Variants in CAAP1 observed in about 807,000 individuals in gnomAD.
CAAP1 encodes the protein caspase activity and apoptosis inhibitor 1, also known as conserved anti-apoptotic protein.
Under a neutral mutation model 34.0 loss-of-function variants are expected in CAAP1, and 20 were observed. The ratio of observed to expected loss-of-function variants is 0.59; its 90% CI spans 0.41 to 0.86. The LOEUF (loss-of-function observed/expected upper bound fraction) is 0.86. CAAP1 is among the 40% of genes least tolerant of loss of function. CAAP1 has a pLI of 0.00. For synonymous variants in CAAP1, 213 were observed against 166.7 expected, an observed-to-expected ratio of 1.28 and a Z score of -2.14; for missense variants, 538 against 450.5, an observed-to-expected ratio of 1.19 and a Z score of -1.76.
intron 4 of CAAP1, among the ~76,000 whole-genome samples, chr9:26,864,854 T>G (rs1355503213): frequency 6.6e-6 from 1 of 152,250 alleles, no homozygotes; most frequent in East Asian, 1.9e-4. Flanking sequence ...GTCACAATAT[T>G]GCCAGTGATT....
chr9:26,865,454 G>A (rs528375260), intron 4 of CAAP1, among the ~76,000 whole-genome samples: 32 of 151,756 alleles, frequency 2.1e-4, no homozygotes, highest in African/African-American at 5.6e-4. Context: ...AACCCGGGAG[G>A]TGGAGGTTGT....
intron 4 of CAAP1, among the ~76,000 whole-genome samples, chr9:26,873,910 A>T (rs1338827344): frequency 6.6e-6 from 1 of 152,126 alleles, no homozygotes; most frequent in Non-Finnish European, 1.5e-5. Context: ...TCTTTAAAAA[A>T]TTTTACAGAT....
At chr9:26,863,794 A>G (rs1823060925) in intron 4 of CAAP1, among the ~76,000 whole-genome samples, 1 of 131,564 alleles carries the variant, frequency 7.6e-6, no homozygotes, top group Non-Finnish European at 1.7e-5. Context: ...AAAAAAAAAA[A>G]GCCTGTTTTT....
chr9:26,882,984 A>G lies in CAAP1; in HGVS notation c.665+1826T>C, dbSNP rs1053664820. ...CATTTGGAAGGGGTGTATTTATCCA[A>G]TGCCTGTATCCCCATTATATCTAGG... On this transcript the variant is annotated intron_variant, in intron 4 of 5. Coordinates refer to ENST00000333916, the MANE Select transcript of CAAP1 (RefSeq NM_024828.4). Among the ~76,000 whole-genome samples, 27 of 152,250 alleles carry G rather than the reference A, an allele frequency of 1.8e-4. 1 individual carries two copies. The highest frequency in any genetic ancestry group is 1.6e-3 in the Admixed American group (25 of 15,298).
intron 4 of CAAP1, among the ~76,000 whole-genome samples, chr9:26,862,638 T>C (rs551706469): frequency 1.3e-5 from 2 of 152,282 alleles, no homozygotes; most frequent in African/African-American, 4.8e-5. Context: ...GCTGTGGATC[T>C]ACTCCAGGTT....
chr9:26,846,859 G>A (rs1266878462), intron 5 of CAAP1, among the ~76,000 whole-genome samples: 4 of 151,348 alleles, frequency 2.6e-5, no homozygotes, highest in Non-Finnish European at 5.9e-5. Context: ...GGCTAATTTC[G>A]TATTTTTAGT....
chr9:26,842,182 G>T lies in CAAP1; in HGVS notation c.*119C>A. ...GCCACAGGTAATTTAGGGCTAAAATGAGTCCTAATAAGGGTTACATGAGAA... is the reference window on the plus strand; with the variant it reads ...GCCACAGGTAATTTAGGGCTAAAATTAGTCCTAATAAGGGTTACATGAGAA... On this transcript the variant is annotated 3_prime_UTR_variant, in exon 6 of 6. Transcript: ENST00000333916. 1.4e-6 allele frequency: 1 copy of T among 720,576 alleles called. No homozygotes were observed. Among genetic ancestry groups the T allele is most frequent in the East Asian group, 2.8e-5 (1 of 35,312 alleles). 44.6% of individuals were successfully genotyped at this position (720,576 alleles called of 1,614,324 possible). A position where few individuals can be genotyped will look rare whatever the true frequency, so the allele number is the denominator to read the frequency against.
intron 4 of CAAP1, among the ~76,000 whole-genome samples, chr9:26,865,883 G>C (rs1298770980): frequency 6.6e-6 from 1 of 152,090 alleles, no homozygotes; most frequent in East Asian, 1.9e-4. Context: ...GGCTTGCTCT[G>C]TTGCCCAAGC....
Position 26,842,591 on chromosome 9 carries a change from T to A in CAAP1, c.796A>T (p.Ile266Leu). Residue 266 changes from isoleucine (I) to leucine (L), a missense_variant, in exon 6 of 6, where the codon ATA becomes TTA. Ile to Leu is a conservative substitution (Grantham distance 5). Transcript: ENST00000333916. ...GCTTCTTCGTTGCATGGGCCTTCTA[T>A]GTCGCTGTCATAAGCATCTGCATTT... The part of the protein sequence containing the change: ...SINADAYDSD[I>L]EGPCNEEAAA... 6.2e-7 allele frequency: 1 copy of A among 1,614,222 alleles called. No homozygotes were observed.
At chr9:26,847,211 T>TTTTTTTTTTTTTTTG (rs1822635244) in intron 5 of CAAP1, among the ~76,000 whole-genome samples, 1 of 95,974 alleles carries the variant, frequency 1.0e-5, no homozygotes. Context: ...TTTTTTTTTT[T>TTTTTTTTTTTTTTTG]TTTTTTTTTT....
intron 4 of CAAP1, chr9:26,880,265 C>T: frequency 4.9e-6 from 2 of 409,254 alleles, no homozygotes; most frequent in South Asian, 3.6e-5. Context: ...CCTCACTTGC[C>T]TCCCGCAAAG....
At chr9:26,892,214 C>G in intron 1 of CAAP1, 199 bp downstream of exon 1, 2 of 1,396,626 alleles carry the variant, frequency 1.4e-6, no homozygotes, top group Non-Finnish European at 1.9e-6. Context: ...AATCCAGAAA[C>G]TTGAAGTTCA....
intron 5 of CAAP1, among the ~76,000 whole-genome samples, chr9:26,852,527 G>A (rs1446163298): frequency 6.6e-6 from 1 of 152,008 alleles, no homozygotes; most frequent in Non-Finnish European, 1.5e-5. Context: ...GGGAAGGGAA[G>A]GCTTCATAGA....
At chr9:26,892,327 C>G in intron 1 of CAAP1, 86 bp downstream of exon 1, 1 of 1,556,842 alleles carries the variant, frequency 6.4e-7, no homozygotes, top group Non-Finnish European at 8.6e-7. Context: ...GCAGTGAGCT[C>G]CAGCCTGCGC....
At position 26,884,857 on chromosome 9, in the gene CAAP1, T is replaced by C; in HGVS notation, c.618A>G (p.Glu206=). Residue 206 remains glutamate, a synonymous_variant, in exon 4 of 6, where the codon GAA becomes GAG. Coordinates refer to ENST00000333916, the MANE Select transcript of CAAP1 (RefSeq NM_024828.4). ...EGDNGMDSDM[E]EEADDGSKMG... ...TCTTAGAACCATCATCTGCTTCCTCTTCCATATCAGAGTCCATTCCATTGT... is the reference window on the plus strand; with the variant it reads ...TCTTAGAACCATCATCTGCTTCCTCCTCCATATCAGAGTCCATTCCATTGT... 1 of 1,609,626 alleles carries C rather than the reference T, an allele frequency of 6.2e-7. No individual in the cohort carries two copies. Among genetic ancestry groups the C allele is most frequent in the Non-Finnish European group, 8.5e-7 (1 of 1,179,136 alleles).
chr9:26,852,163 A>G (rs1443097063), intron 5 of CAAP1, among the ~76,000 whole-genome samples: 1 of 151,810 alleles, frequency 6.6e-6, no homozygotes, highest in Non-Finnish European at 1.5e-5. Context: ...GGCTGAAGCA[A>G]TCCTCCCACC....
chr9:26,875,031 C>T (rs1823391853), intron 4 of CAAP1, among the ~76,000 whole-genome samples: 1 of 152,070 alleles, frequency 6.6e-6, no homozygotes, highest in Non-Finnish European at 1.5e-5. Flanking sequence ...AAATACCATA[C>T]ACACACACGT....
At chr9:26,869,330 C>T (rs1221896289) in intron 4 of CAAP1, among the ~76,000 whole-genome samples, 2 of 152,052 alleles carry the variant, frequency 1.3e-5, no homozygotes, top group African/African-American at 4.8e-5. Context: ...ATATGTAAAT[C>T]TGAGCATTTT....
intron 4 of CAAP1, among the ~76,000 whole-genome samples, chr9:26,876,581 T>C (rs1823438357): frequency 6.6e-6 from 1 of 151,940 alleles, no homozygotes; most frequent in African/African-American, 2.4e-5. Context: ...ACCTTTTCTA[T>C]GTTTAGATAA....
Sources: gnomAD v4.1 joint callset for allele counts (sites outside exome capture counted in the v4.1 genomes callset) on GRCh38, gnomAD v4.1.1 for gene constraint, MANE v1.5 for transcripts, NCBI Gene and HGNC (gene_info 2026-07-23, HGNC 2026-07-21) for gene names.